The following IGFL2 variants were observed in gnomAD, a reference collection of about 807,000 sequenced individuals.
IGFL2 encodes the protein IGF like family member 2.
In IGFL2, 7 loss-of-function variants were observed where a neutral mutation model predicts 13.9. The ratio of observed to expected loss-of-function variants is 0.51; its 90% confidence interval spans 0.29 to 0.95. The LOEUF (loss-of-function observed/expected upper bound fraction) is 0.95. Among genes scored for constraint, IGFL2 ranks in the 40% least tolerant of loss-of-function variants. The probability of loss-of-function intolerance (pLI) is 0.08; values close to 1 mark genes in which losing one functional copy is unlikely to be tolerated. For synonymous variants in IGFL2, 55 were observed against 55.8 expected, an observed-to-expected ratio of 0.99 and a Z score of 0.07; for missense variants, 138 against 147.8, an observed-to-expected ratio of 0.93 and a Z score of 0.34.
chr19:46,148,875 T>G, intron 1 of IGFL2: 1 of 1,534,200 alleles, frequency 6.5e-7, no homozygotes, highest in Non-Finnish European at 8.8e-7. Context: ...AGACTAGATC[T>G]GCAATCTGTT....
the IGFL2 span, among the ~76,000 whole-genome samples, chr19:46,114,980 T>C: frequency 1.6e-4 from 24 of 152,302 alleles, 1 homozygote; most frequent in South Asian, 5.0e-3. Flanking sequence ...ATACTAATAT[T>C]GAGGACCAGT....
chr19:46,086,036 G>A, the IGFL2 span, among the ~76,000 whole-genome samples: 1 of 151,862 alleles, frequency 6.6e-6, no homozygotes, highest in South Asian at 2.1e-4. Flanking sequence ...GTCTGACTAG[G>A]TTACTTCAAA....
chr19:46,154,483 G>A (rs1286113320), intron 1 of IGFL2, among the ~76,000 whole-genome samples: 5 of 152,178 alleles, frequency 3.3e-5, no homozygotes, highest in African/African-American at 7.2e-5. Flanking sequence ...TCGCTCTGTC[G>A]CCCAGGCTGG....
At chr19:46,209,011 G>A in the IGFL2 span, 1 of 152,178 alleles carries the variant, frequency 6.6e-6, no homozygotes, top group Non-Finnish European at 1.5e-5. Flanking sequence ...CCCTCCTCCA[G>A]GAAGCCATTC....
the IGFL2 span, chr19:46,137,555 T>A: frequency 9.8e-7 from 1 of 1,024,244 alleles, no homozygotes; most frequent in Non-Finnish European, 1.5e-6. Flanking sequence ...CATGGAATCG[T>A]CATCCTCCGT....
chr19:46,129,742 G>A, the IGFL2 span, among the ~76,000 whole-genome samples: 8 of 152,020 alleles, frequency 5.3e-5, no homozygotes, highest in Admixed American at 5.2e-4. Flanking sequence ...TTATGATTTC[G>A]GTTCTTTTGT....
the IGFL2 span, among the ~76,000 whole-genome samples, chr19:46,109,338 G>A: frequency 2.0e-5 from 3 of 150,216 alleles, no homozygotes; most frequent in East Asian, 2.0e-4. Context: ...TTTTTTTGAC[G>A]GAGTCTTGCT....
Position 46,148,999 on chromosome 19 carries a change from T to G in IGFL2, c.19+702T>G, listed in dbSNP as rs774187367. On this transcript the variant is annotated intron_variant, in intron 1 of 3. Coordinates refer to ENST00000377693, the MANE Select transcript of IGFL2 (RefSeq NM_001135113.2). ...CGCCAGGAAATCATGAGGTTCAGTG[T>G]CTCAGGCATGAGGACCGACTACCCC... is the stretch of plus-strand genomic sequence containing the variant. 30 of 1,603,602 alleles carry G rather than the reference T, an allele frequency of 1.9e-5. No individual in the cohort carries two copies. Among genetic ancestry groups the G allele is most frequent in the Non-Finnish European group, 2.1e-5 (25 of 1,175,370 alleles).
chr19:46,202,056 G>A, the IGFL2 span, among the ~76,000 whole-genome samples: 1 of 152,094 alleles, frequency 6.6e-6, no homozygotes, highest in African/African-American at 2.4e-5. Context: ...AGCAGTGTGG[G>A]GAGGAGGGGA....
chr19:46,091,016 A>G, the IGFL2 span, among the ~76,000 whole-genome samples: 1 of 152,130 alleles, frequency 6.6e-6, no homozygotes, highest in East Asian at 1.9e-4. Flanking sequence ...AATTTGGGTG[A>G]CATAAAATTG....
the IGFL2 span, among the ~76,000 whole-genome samples, chr19:46,117,320 A>T: frequency 6.6e-6 from 1 of 152,118 alleles, no homozygotes; most frequent in Non-Finnish European, 1.5e-5. Context: ...CCTGGCCTCA[A>T]GTGATCATTT....
At chr19:46,160,586 C>T (rs778902108) in intron 2 of IGFL2, 28 bp from the exon 3 acceptor site, 1 of 1,613,712 alleles carries the variant, frequency 6.2e-7, no homozygotes, top group Non-Finnish European at 8.5e-7. Context: ...CTTGAGCTCA[C>T]ACCAACAATG....
At chr19:46,114,566 A>T in the IGFL2 span, among the ~76,000 whole-genome samples, 1 of 152,084 alleles carries the variant, frequency 6.6e-6, no homozygotes, top group Admixed American at 6.5e-5. Flanking sequence ...TTAGGGAGGG[A>T]CATGGTGGGA....
rs1568434252 is a variant in IGFL2, at chr19:46,160,853, T to TCATCTCC, written c.321_327dup (p.Ser110HisfsTer4). On this transcript the variant is annotated frameshift_variant, in exon 3 of 4. Coordinates refer to ENST00000377693, the MANE Select transcript of IGFL2 (RefSeq NM_001135113.2). LOFTEE classifies it low-confidence loss of function (END_TRUNC). ...TCAGGGTGTGAATTCCCAGTGCCACTCATCTCCCATCTCCAGTAAATGTGA... is the reference window on the plus strand; with the variant it reads ...TCAGGGTGTGAATTCCCAGTGCCACTCATCTCCCATCTCCCATCTCCAGTAAATGTGA... 1.9e-6 allele frequency: 3 copies of TCATCTCC among 1,613,780 alleles called. No individual in the cohort carries two copies. The highest frequency in any genetic ancestry group is 2.5e-6 in the Non-Finnish European group (3 of 1,179,858).
At chr19:46,080,720 C>T in the IGFL2 span, among the ~76,000 whole-genome samples, 2,048 of 152,266 alleles carry the variant, frequency 0.013, 31 homozygotes, top group Middle Eastern at 0.027. Flanking sequence ...AGACTTCTGT[C>T]AGGAAAGAGT....
At chr19:46,161,838 G>A (rs1974186362), downstream of IGFL2, among the ~76,000 whole-genome samples, 1 of 152,168 alleles carries the variant, frequency 6.6e-6, no homozygotes, top group Non-Finnish European at 1.5e-5. Context: ...ATTGATATAT[G>A]TGGATTTGAT....
At chr19:46,121,273 A>G in the IGFL2 span, among the ~76,000 whole-genome samples, 1 of 149,916 alleles carries the variant, frequency 6.7e-6, no homozygotes, top group East Asian at 2.0e-4. Context: ...ATGTAGTCCC[A>G]GCTACTCAGG....
At chr19:46,210,123 C>T in the IGFL2 span, 1 of 152,118 alleles carries the variant, frequency 6.6e-6, no homozygotes, top group South Asian at 2.1e-4. Context: ...TGATCAGAAA[C>T]CTTAGCAGGA....
the IGFL2 span, chr19:46,123,984 G>T: frequency 6.2e-7 from 1 of 1,611,520 alleles, no homozygotes; most frequent in Non-Finnish European, 8.5e-7. Context: ...CAAAAGACTC[G>T]GGACAGCAGA....
Sources: allele counts gnomAD v4.1 joint callset (sites outside exome capture counted in the v4.1 genomes callset), GRCh38; gene constraint gnomAD v4.1.1; transcripts MANE v1.5; gene names NCBI Gene and HGNC (gene_info 2026-07-23, HGNC 2026-07-21).